MCF2L2: variants seen among roughly 807,000 people sequenced by gnomAD.
The protein encoded by MCF2L2 is MCF.2 cell line derived transforming sequence-like 2.
A neutral mutation model predicts 150.2 loss-of-function variants in MCF2L2; 102 were observed. The observed-to-expected ratio is 0.68, with a 90% CI of 0.58 to 0.80. The LOEUF (loss-of-function observed/expected upper bound fraction) is 0.80. Among genes scored for constraint, MCF2L2 ranks in the 30% least tolerant of loss-of-function variants. The pLI is 0.00. For synonymous variants in MCF2L2, 465 were observed against 491.3 expected, an observed-to-expected ratio of 0.95 and a Z score of 0.71; for missense variants, 1,256 against 1,372.8, an observed-to-expected ratio of 0.91 and a Z score of 1.34.
intron 10 of MCF2L2, among the ~76,000 whole-genome samples, chr3:183,304,462 A>ATT (rs36115279): frequency 0.04 from 4,535 of 113,960 alleles, 216 homozygotes; most frequent in East Asian, 0.099. Context: ...CTGGGCAGTG[A>ATT]TTTTTTTTTT....
intron 3 of MCF2L2, among the ~76,000 whole-genome samples, chr3:183,361,562 C>T (rs963914541): frequency 3.3e-5 from 5 of 152,168 alleles, no homozygotes; most frequent in African/African-American, 9.7e-5. Context: ...GCTTCCCCTT[C>T]GCCTTCCACT....
chr3:183,336,485 T>C (rs9868599), intron 5 of MCF2L2, among the ~76,000 whole-genome samples: 52,740 of 151,920 alleles, frequency 0.35, 13,117 homozygotes, highest in African/African-American at 0.7. Context: ...ACTAAAATGC[T>C]TAAATTTTAA....
chr3:183,398,529 T>C (rs1714581297), intron 1 of MCF2L2, among the ~76,000 whole-genome samples: 1 of 151,046 alleles, frequency 6.6e-6, no homozygotes, highest in South Asian at 2.1e-4. Flanking sequence ...AATATATTTA[T>C]AATCATATGT....
At position 183,178,504 on chromosome 3, in the gene MCF2L2, G is replaced by A. The variant is rs1016483291; in HGVS notation, c.*876C>T. 2.1e-5 allele frequency: 3 copies of A among 145,694 alleles called. No individual in the cohort carries two copies. Among genetic ancestry groups the A allele is most frequent in the Non-Finnish European group, 2.9e-5 (2 of 67,906 alleles). 9.0% of individuals were successfully genotyped at this position (145,694 alleles called of 1,614,324 possible). A position where few individuals can be genotyped will look rare whatever the true frequency, so the allele number is the denominator to read the frequency against. On this transcript the variant is annotated 3_prime_UTR_variant, in exon 30 of 30. Transcript: ENST00000328913. Reference sequence around the variant, plus strand: ...AAATAAATAAATAAATAAATTCCAAGCAAATTAATTTGAACATCTGTAACT... The same window carrying A: ...AAATAAATAAATAAATAAATTCCAAACAAATTAATTTGAACATCTGTAACT...
intron 4 of MCF2L2, among the ~76,000 whole-genome samples, chr3:183,340,797 G>A (rs1730665008): frequency 6.6e-6 from 1 of 152,088 alleles, no homozygotes; most frequent in African/African-American, 2.4e-5. Flanking sequence ...ACACAAATTA[G>A]CCAAGCGTGG....
At chr3:183,339,628 G>A (rs1299011901) in intron 4 of MCF2L2, among the ~76,000 whole-genome samples, 3 of 152,060 alleles carry the variant, frequency 2.0e-5, no homozygotes, top group Non-Finnish European at 4.4e-5. Flanking sequence ...AGAAAGTATC[G>A]CCCACATCGC....
chr3:183,302,504 G>A (rs1728902418), intron 10 of MCF2L2, among the ~76,000 whole-genome samples: 1 of 152,140 alleles, frequency 6.6e-6, no homozygotes, highest in South Asian at 2.1e-4. Flanking sequence ...AGAGGAAAGA[G>A]GGGGTTCCAT....
At chr3:183,187,307 C>T (rs1239854681) in intron 27 of MCF2L2, among the ~76,000 whole-genome samples, 2 of 152,156 alleles carry the variant, frequency 1.3e-5, no homozygotes, top group Admixed American at 6.5e-5. Flanking sequence ...ACAGGTTCTT[C>T]CTCTGTTAGC....
chr3:183,371,781 G>A (rs1170418243), intron 3 of MCF2L2, among the ~76,000 whole-genome samples: 1 of 151,804 alleles, frequency 6.6e-6, no homozygotes, highest in African/African-American at 2.4e-5. Context: ...CCCGGCCTCT[G>A]ATTAGCCTTT....
At chr3:183,256,137 T>A (rs1162681213) in intron 15 of MCF2L2, among the ~76,000 whole-genome samples, 1 of 152,250 alleles carries the variant, frequency 6.6e-6, no homozygotes, top group African/African-American at 2.4e-5. Flanking sequence ...TGAATTTTTA[T>A]AATACATTAT....
intron 27 of MCF2L2, among the ~76,000 whole-genome samples, chr3:183,189,810 C>A (rs1055354154): frequency 4.6e-5 from 7 of 152,158 alleles, no homozygotes; most frequent in Non-Finnish European, 1.0e-4. Flanking sequence ...TGCTGCCAGC[C>A]CAGGAGGTCA....
At chr3:183,286,425 C>T (rs1308644340) in intron 14 of MCF2L2, among the ~76,000 whole-genome samples, 1 of 152,072 alleles carries the variant, frequency 6.6e-6, no homozygotes, top group African/African-American at 2.4e-5. Flanking sequence ...TGCAACCTGG[C>T]CATCTCTCTC....
chr3:183,392,302 C>T (rs1234062846), intron 1 of MCF2L2, among the ~76,000 whole-genome samples: 2 of 152,056 alleles, frequency 1.3e-5, no homozygotes, highest in African/African-American at 4.8e-5. Context: ...CTGTAGAGCC[C>T]GGATCACCTG....
intron 3 of MCF2L2, among the ~76,000 whole-genome samples, chr3:183,351,234 A>T (rs149147374): frequency 0.055 from 3,280 of 59,218 alleles, 85 homozygotes; most frequent in South Asian, 0.14. Context: ...ATATATATAT[A>T]TATTTATTTA....
chr3:183,300,754 C>T (rs1233201463), intron 10 of MCF2L2, among the ~76,000 whole-genome samples: 3 of 151,894 alleles, frequency 2.0e-5, no homozygotes, highest in African/African-American at 7.3e-5. Context: ...TGGTGGCTCC[C>T]ACCTGTAATG....
chr3:183,206,959 AAGGAAGGAAGGAAGGGAGGG>A (rs1259235665), intron 23 of MCF2L2, among the ~76,000 whole-genome samples: 491 of 27,014 alleles, frequency 0.018, 9 homozygotes, highest in African/African-American at 0.063. Context: ...GGAAGGAAGG[AAGGAAGGAAGGAAGGGAGGG>A]AGGGAGGGAG....
At chr3:183,257,714 C>T (rs1323379623) in intron 15 of MCF2L2, among the ~76,000 whole-genome samples, 1 of 152,214 alleles carries the variant, frequency 6.6e-6, no homozygotes, top group Non-Finnish European at 1.5e-5. Flanking sequence ...CACTGGGCAA[C>T]AGGCAGACAC....
At chr3:183,221,823 G>C (rs1039587284) in intron 20 of MCF2L2, among the ~76,000 whole-genome samples, 4 of 152,138 alleles carry the variant, frequency 2.6e-5, no homozygotes, top group African/African-American at 9.7e-5. Context: ...TACACATCAT[G>C]CAGAGCTTCC....
chr3:183,423,638 T>A (rs562642419), intron 1 of MCF2L2, among the ~76,000 whole-genome samples: 23 of 141,478 alleles, frequency 1.6e-4, no homozygotes, highest in Non-Finnish European at 2.3e-4. Flanking sequence ...ATTTGTTTTT[T>A]TTTTTTTTTT....
Sources: allele counts gnomAD v4.1 joint callset (sites outside exome capture counted in the v4.1 genomes callset), GRCh38; gene constraint gnomAD v4.1.1; transcripts MANE v1.5; gene names NCBI Gene and HGNC (gene_info 2026-07-23, HGNC 2026-07-21).